COL25A1: variants seen among roughly 807,000 people sequenced by gnomAD.
COL25A1 encodes the protein collagen type XXV alpha 1 chain.
Under a neutral mutation model 128.4 loss-of-function variants are expected in COL25A1, and 103 were observed. The observed-to-expected ratio is 0.80, with a 90% confidence interval of 0.68 to 0.94. The LOEUF (loss-of-function observed/expected upper bound fraction) is 0.94, where lower values mean the gene tolerates loss of function less well. Among genes scored for constraint, COL25A1 ranks in the 40% least tolerant of loss-of-function variants. The pLI is 0.00. For missense variants in COL25A1, 745 were observed against 840.0 expected, an observed-to-expected ratio of 0.89 and a Z score of 1.40; for synonymous variants, 279 against 277.2, an observed-to-expected ratio of 1.01 and a Z score of -0.06.
intron 3 of COL25A1, among the ~76,000 whole-genome samples, chr4:109,252,917 A>G (rs1234979218): frequency 6.6e-6 from 1 of 152,206 alleles, no homozygotes; most frequent in Non-Finnish European, 1.5e-5. Context: ...TCAACTGATC[A>G]TAGCAAACTT....
chr4:109,019,842 A>G (rs1447541397), intron 5 of COL25A1, among the ~76,000 whole-genome samples: 1 of 152,218 alleles, frequency 6.6e-6, no homozygotes, highest in Non-Finnish European at 1.5e-5. Context: ...GAGGCTATGT[A>G]TACACCTACC....
rs540201904 is a variant in COL25A1, at chr4:109,025,541, C to T, written c.421-15166G>A. 2.6e-5 allele frequency among the ~76,000 whole-genome samples: 4 copies of T among 152,292 alleles called. No homozygotes were observed. The East Asian group carries it at 7.7e-4, about 29-fold the overall frequency. ...CTCTGCAGCTGTCCTAGATGTTTCA[C>T]ATTAATAAATGCATGCTAGCAGATT... On this transcript the variant is annotated intron_variant, in intron 5 of 37. Coordinates refer to ENST00000399132, the MANE Select transcript of COL25A1 (RefSeq NM_198721.4).
chr4:109,059,011 C>A (rs1181559414), intron 3 of COL25A1, among the ~76,000 whole-genome samples: 1 of 152,140 alleles, frequency 6.6e-6, no homozygotes, highest in Admixed American at 6.6e-5. Flanking sequence ...AAGGCACAGG[C>A]ATACTAAAAC....
chr4:108,812,072 T>G lies in COL25A1; in HGVS notation c.*1855A>C, dbSNP rs1730840627. ...GGCTGAAAGGGTGCCTACTCCTCATTGATAATGTTTCTTTCAATGTAACAC... is the reference window on the plus strand; with the variant it reads ...GGCTGAAAGGGTGCCTACTCCTCATGGATAATGTTTCTTTCAATGTAACAC... On this transcript the variant is annotated 3_prime_UTR_variant, in exon 38 of 38. Transcript: ENST00000399132. 1 of 152,194 alleles carries G rather than the reference T, an allele frequency of 6.6e-6. No homozygotes were observed. The highest frequency in any genetic ancestry group is 6.5e-5 in the Admixed American group (1 of 15,276). 9.4% of individuals were successfully genotyped at this position (152,194 alleles called of 1,614,324 possible).
chr4:109,223,395 A>G (rs942339048), intron 3 of COL25A1, among the ~76,000 whole-genome samples: 14 of 151,640 alleles, frequency 9.2e-5, no homozygotes, highest in African/African-American at 3.4e-4. Flanking sequence ...TATATTCCAC[A>G]TTTCCCCCCC....
At chr4:109,029,040 G>A (rs1758589476) in intron 5 of COL25A1, among the ~76,000 whole-genome samples, 1 of 152,142 alleles carries the variant, frequency 6.6e-6, no homozygotes, top group Non-Finnish European at 1.5e-5. Flanking sequence ...TGATGAGTGT[G>A]GGCAACTCTT....
intron 33 of COL25A1, 37 bp from the exon 34 acceptor site, chr4:108,825,259 A>G: frequency 6.4e-7 from 1 of 1,568,546 alleles, no homozygotes; most frequent in East Asian, 2.2e-5. Flanking sequence ...TAGTGTTTCT[A>G]AGTTTTGTGA....
chr4:109,240,137 G>A (rs896251945), intron 3 of COL25A1, among the ~76,000 whole-genome samples: 1 of 152,032 alleles, frequency 6.6e-6, no homozygotes, highest in African/African-American at 2.4e-5. Flanking sequence ...TAGGGGAGCA[G>A]TCTAAAATAA....
At chr4:109,229,159 A>G (rs555505497) in intron 3 of COL25A1, among the ~76,000 whole-genome samples, 1 of 149,346 alleles carries the variant, frequency 6.7e-6, no homozygotes, top group African/African-American at 2.6e-5. Flanking sequence ...CCCCTAAAAA[A>G]ATTGGATTTC....
chr4:109,098,798 T>C (rs942127578), intron 3 of COL25A1, among the ~76,000 whole-genome samples: 7 of 152,216 alleles, frequency 4.6e-5, no homozygotes, highest in Non-Finnish European at 7.3e-5. Context: ...ACAGGATGTT[T>C]AGTCTATAAC....
intron 11 of COL25A1, among the ~76,000 whole-genome samples, chr4:108,932,084 T>C (rs947860728): frequency 5.3e-5 from 8 of 152,220 alleles, no homozygotes; most frequent in African/African-American, 1.9e-4. Flanking sequence ...TCTTGCTTCC[T>C]CTGCCAGATC....
chr4:108,859,677 G>T lies in COL25A1; in HGVS notation c.1299C>A (p.Gly433=), dbSNP rs1736935239. 1 of 1,613,794 alleles carries T rather than the reference G, an allele frequency of 6.2e-7. No individual in the cohort carries two copies. The highest frequency in any genetic ancestry group is 8.5e-7 in the Non-Finnish European group (1 of 1,179,864). Residue 433 remains glycine (G), a synonymous_variant, in exon 24 of 38, where the codon GGC becomes GGA. Transcript: ENST00000399132. ...TTGCCTGTAAGGCTTCGTGGAGGTT[G>T]CCGTTGTAGTCTATGATCTCAGTGG... ...QGATEIIDYN[G]NLHEALQRIT...
intron 8 of COL25A1, among the ~76,000 whole-genome samples, chr4:108,968,110 T>A (rs1180537305): frequency 2.0e-5 from 3 of 152,180 alleles, no homozygotes; most frequent in Non-Finnish European, 4.4e-5. Flanking sequence ...AATTCTTATG[T>A]CAGGATGCAT....
In COL25A1 at chr4:108,889,365, C is replaced by G. The variant is rs550991522; in HGVS notation, c.940-109G>C. The stretch of plus-strand genomic sequence containing the variant: ...ATGGCCTAGCCCCCTTCTTCAACCA[C>G]ATGTCTTTTATTTCCTTTATCCTGT... On this transcript the variant is annotated intron_variant, in intron 17 of 37. Transcript: ENST00000399132. 12 of 976,338 alleles carry G rather than the reference C, an allele frequency of 1.2e-5. No individual in the cohort carries two copies. The South Asian group carries it at 1.6e-4, about 13-fold the overall frequency. 60.5% of individuals were successfully genotyped at this position (976,338 alleles called of 1,614,324 possible).
intron 3 of COL25A1, among the ~76,000 whole-genome samples, chr4:109,218,408 T>C (rs1264994099): frequency 2.9e-5 from 4 of 138,732 alleles, no homozygotes; most frequent in Middle Eastern, 3.6e-3. Flanking sequence ...TTACTCTCCA[T>C]GGCAGCTTAA....
chr4:108,841,828 G>C (rs1193392840), intron 30 of COL25A1, 107 bp from the exon 31 acceptor site: 2 of 931,228 alleles, frequency 2.1e-6, no homozygotes, highest in South Asian at 1.4e-5. Context: ...GCATCTTCTT[G>C]TTTGAGCTAT....
At chr4:108,951,129 A>G (rs1036651976) in intron 8 of COL25A1, among the ~76,000 whole-genome samples, 12 of 152,154 alleles carry the variant, frequency 7.9e-5, no homozygotes, top group Non-Finnish European at 1.6e-4. Context: ...AAGCACACAC[A>G]TTTTAGAGAA....
chr4:109,002,285 C>T (rs939455254), intron 6 of COL25A1, among the ~76,000 whole-genome samples: 3 of 152,042 alleles, frequency 2.0e-5, no homozygotes, highest in African/African-American at 7.2e-5. Flanking sequence ...GCATTTCTCA[C>T]AATAGTCAAG....
rs1383703429 is a variant in COL25A1 at position 109,254,505 on chromosome 4, A to ATATATATATATATATGTG, written c.367+46077_367+46078insCACATATATATATATATA. 2.9e-3 allele frequency among the ~76,000 whole-genome samples: 299 copies of ATATATATATATATATGTG among 104,890 alleles called. 5 individuals carry two copies. The highest frequency in any genetic ancestry group is 0.013 in the Middle Eastern group (2 of 158). 68.8% of individuals were successfully genotyped at this position (104,890 alleles called of 152,430 possible). On this transcript the variant is annotated intron_variant, in intron 3 of 37. Coordinates refer to ENST00000399132, the MANE Select transcript of COL25A1 (RefSeq NM_198721.4). ...TATATATATATATATATATATATAT[A>ATATATATATATATATGTG]TGTATGTGTGTATATACATATACAT...
Sources: gnomAD v4.1 joint callset for allele counts (sites outside exome capture counted in the v4.1 genomes callset) on GRCh38, gnomAD v4.1.1 for gene constraint, MANE v1.5 for transcripts, NCBI Gene and HGNC (gene_info 2026-07-23, HGNC 2026-07-21) for gene names.